PVR: variants seen among roughly 807,000 people sequenced by gnomAD.
PVR encodes PVR cell adhesion molecule, also known as poliovirus receptor.
Under a neutral mutation model 43.3 loss-of-function variants are expected in PVR, and 39 were observed. The observed-to-expected ratio is 0.90, with a 90% CI of 0.70 to 1.18. The LOEUF (loss-of-function observed/expected upper bound fraction) is 1.18, where lower values mean the gene tolerates loss of function less well. Among genes scored for constraint, PVR ranks in the 50% most tolerant of loss-of-function variants. PVR has a pLI of 0.00. For synonymous variants in PVR, 224 were observed against 233.2 expected, an observed-to-expected ratio of 0.96 and a Z score of 0.36; for missense variants, 480 against 549.7, an observed-to-expected ratio of 0.87 and a Z score of 1.27.
rs1335198403 is a variant in PVR, at chr19:44,662,058, A to G, written c.*247A>G. The G allele has an allele frequency of 5.6e-6, 3 of 530,980 alleles. No individual in the cohort carries two copies. The African/African-American group carries it at 5.7e-5, about 10-fold the overall frequency. 32.9% of individuals were successfully genotyped at this position (530,980 alleles called of 1,614,324 possible). On this transcript the variant is annotated 3_prime_UTR_variant, in exon 8 of 8. Coordinates refer to ENST00000425690, the MANE Select transcript of PVR (RefSeq NM_006505.5). ...CTCACAGTTACAGTTTATTACAGTA[A>G]AAGGACAGAGATTAAGATCAGCAAA...
rs1973607376 is a variant in PVR, at chr19:44,662,128, G to C, written c.*317G>C. On this transcript the variant is annotated 3_prime_UTR_variant, in exon 8 of 8. Coordinates refer to ENST00000425690, the MANE Select transcript of PVR (RefSeq NM_006505.5). ...ACGTTCCACGACAGATGAGGCGACG[G>C]CTTCCATCTGCCCTCTCCCAGTGGA... The C allele has an allele frequency of 3.0e-6, 1 of 328,520 alleles. No individual in the cohort carries two copies. The highest frequency in any genetic ancestry group is 2.0e-5 in the African/African-American group (1 of 48,826). 20.4% of individuals were successfully genotyped at this position (328,520 alleles called of 1,614,324 possible).
At chr19:44,654,139 G>T (rs1177409257) in intron 4 of PVR, 122 bp downstream of exon 4, 5 of 743,344 alleles carry the variant, frequency 6.7e-6, no homozygotes, top group Admixed American at 2.7e-5. Flanking sequence ...CGGACCCCTG[G>T]GTCTGAGGGA....
chr19:44,662,112 G>A lies in PVR; in HGVS notation c.*301G>A, dbSNP rs926656499. ...AGGAGGTGCACAGCACACGTTCCAC[G>A]ACAGATGAGGCGACGGCTTCCATCT... On this transcript the variant is annotated 3_prime_UTR_variant, in exon 8 of 8. Transcript: ENST00000425690. 13 of 378,886 alleles carry A rather than the reference G, an allele frequency of 3.4e-5. 1 individual carries two copies. The highest frequency in any genetic ancestry group is 1.5e-4 in the Admixed American group (4 of 27,396). The allele number at this position is 378,886 out of a possible 1,614,324, so 23.5% of individuals were successfully genotyped here.
intron 3 of PVR, among the ~76,000 whole-genome samples, chr19:44,652,720 G>A (rs1349299797): frequency 6.6e-6 from 1 of 151,746 alleles, no homozygotes; most frequent in Non-Finnish European, 1.5e-5. Flanking sequence ...TCCCTATGTT[G>A]CCCAGGCTGG....
chr19:44,651,067 T>C (rs766136236), intron 3 of PVR, among the ~76,000 whole-genome samples: 8 of 151,952 alleles, frequency 5.3e-5, no homozygotes, highest in Non-Finnish European at 1.0e-4. Context: ...AGAGTTTTGC[T>C]GTGTTGCCCA....
In PVR at chr19:44,653,887, C is replaced by A; in HGVS notation, c.725-13C>A. On this transcript the variant is annotated splice_polypyrimidine_tract_variant and intron_variant, in intron 3 of 7. Transcript: ENST00000425690. ...CCTCCCAGTCTCTGAACCTCTGTATCCATTTCCTGCAGACCCCCCAGAGGT... is the reference window on the plus strand; with the variant it reads ...CCTCCCAGTCTCTGAACCTCTGTATACATTTCCTGCAGACCCCCCAGAGGT... 2 of 1,580,544 alleles carry A rather than the reference C, an allele frequency of 1.3e-6. No homozygotes were observed. The highest frequency in any genetic ancestry group is 1.1e-5 in the South Asian group (1 of 90,414).
At chr19:44,661,665 A>G (rs1973594524) in intron 7 of PVR, 75 bp from the exon 8 acceptor site, 4 of 1,364,434 alleles carry the variant, frequency 2.9e-6, no homozygotes, top group Non-Finnish European at 4.2e-6. Flanking sequence ...TTCTTTGCAC[A>G]TGGGGCTTCA....
intron 6 of PVR, among the ~76,000 whole-genome samples, chr19:44,659,874 T>C (rs1268395171): frequency 6.6e-6 from 1 of 152,198 alleles, no homozygotes; most frequent in African/African-American, 2.4e-5. Flanking sequence ...CTTTGAGAGA[T>C]GAAGTTACCT....
In PVR at chr19:44,665,282, G is replaced by C. The variant is rs776442690; in HGVS notation, c.*3471G>C. The C allele has an allele frequency of 3.3e-5, 5 of 152,158 alleles. No individual in the cohort carries two copies. The highest frequency in any genetic ancestry group is 5.9e-5 in the Non-Finnish European group (4 of 68,040). 9.4% of individuals were successfully genotyped at this position (152,158 alleles called of 1,614,324 possible). The stretch of plus-strand genomic sequence containing the variant: ...ACGATCTCACCTTGAGGAGCTGTGA[G>C]GTCCCAGAAGCCTCTGGGTTGCAGA... On this transcript the variant is annotated 3_prime_UTR_variant, in exon 8 of 8. Coordinates refer to ENST00000425690, the MANE Select transcript of PVR (RefSeq NM_006505.5).
rs373847142 is a variant in PVR, at chr19:44,647,498, G to A, written c.355G>A (p.Gly119Ser). ...GTTCGGGTTGCGCGTAGAGGATGAA[G>A]GCAACTACACCTGCCTGTTCGTCAC... is the stretch of plus-strand genomic sequence containing the variant. ...RMFGLRVEDE[G>S]NYTCLFVTFP... Residue 119 changes from glycine (G) to serine (S), a missense_variant, in exon 2 of 8, where the codon GGC becomes AGC. Coordinates refer to ENST00000425690, the MANE Select transcript of PVR (RefSeq NM_006505.5). The A allele has an allele frequency of 1.2e-6, 2 of 1,614,128 alleles. No individual in the cohort carries two copies. The highest frequency in any genetic ancestry group is 1.6e-4 in the Middle Eastern group (1 of 6,062).
chr19:44,662,041 TAC>T lies in PVR; in HGVS notation c.*232_*233del, dbSNP rs1234144798. The stretch of plus-strand genomic sequence containing the variant: ...TCAGGAAAGCTGTTAGGCTCACAGT[TAC>T]AGTTTATTACAGTAAAAGGACAGAG... On this transcript the variant is annotated 3_prime_UTR_variant, in exon 8 of 8. Transcript: ENST00000425690. 1 of 552,864 alleles carries T rather than the reference TAC, an allele frequency of 1.8e-6. No individual in the cohort carries two copies. Among genetic ancestry groups the T allele is most frequent in the Non-Finnish European group, 3.3e-6 (1 of 307,166 alleles). 34.2% of individuals were successfully genotyped at this position (552,864 alleles called of 1,614,324 possible).
chr19:44,655,932 C>CA (rs1973433995), intron 4 of PVR, among the ~76,000 whole-genome samples: 1 of 143,664 alleles, frequency 7.0e-6, no homozygotes, highest in Non-Finnish European at 1.5e-5. Flanking sequence ...TGCCGTGGCA[C>CA]AATCACAGCT....
intron 4 of PVR, among the ~76,000 whole-genome samples, chr19:44,657,282 C>T (rs528211770): frequency 3.5e-4 from 54 of 152,284 alleles, no homozygotes; most frequent in African/African-American, 1.2e-3. Context: ...TAATGGAAAA[C>T]GTGGGCAGAG....
intron 6 of PVR, among the ~76,000 whole-genome samples, chr19:44,659,907 A>G (rs1180972656): frequency 2.0e-5 from 3 of 152,234 alleles, no homozygotes; most frequent in African/African-American, 2.4e-5. Context: ...ACAGCTGGAC[A>G]TGGTTGTTGG....
chr19:44,663,251 T>C lies in PVR; in HGVS notation c.*1440T>C, dbSNP rs899612001. On this transcript the variant is annotated 3_prime_UTR_variant, in exon 8 of 8. Coordinates refer to ENST00000425690, the MANE Select transcript of PVR (RefSeq NM_006505.5). ...AGGGCAGACAGCAGAATTCCTCTTATAAAGAAAACTGTTTGGGAAAATACG... is the reference window on the plus strand; with the variant it reads ...AGGGCAGACAGCAGAATTCCTCTTACAAAGAAAACTGTTTGGGAAAATACG... 6.6e-6 allele frequency: 1 copy of C among 152,120 alleles called. No individual in the cohort carries two copies. The highest frequency in any genetic ancestry group is 6.6e-5 in the Admixed American group (1 of 15,250). 9.4% of individuals were successfully genotyped at this position (152,120 alleles called of 1,614,324 possible).
intron 6 of PVR, 36 bp from the exon 7 acceptor site, chr19:44,661,256 A>G (rs1470782467): frequency 6.3e-7 from 1 of 1,599,536 alleles, no homozygotes; most frequent in Admixed American, 1.7e-5. Context: ...TCCCAGCATT[A>G]TTCCTTCCTG....
intron 3 of PVR, 67 bp downstream of exon 3, chr19:44,650,172 A>C: frequency 7.1e-7 from 1 of 1,404,838 alleles, no homozygotes; most frequent in South Asian, 1.5e-5. Context: ...GTCTACACTG[A>C]CTCCCCAAGG....
chr19:44,653,474 G>A (rs575655243), intron 3 of PVR, among the ~76,000 whole-genome samples: 1 of 152,286 alleles, frequency 6.6e-6, no homozygotes, highest in South Asian at 2.1e-4. Flanking sequence ...AAAGGTCTTC[G>A]CTGTCAATCA....
At chr19:44,661,436 C>T (rs1309791927) in intron 7 of PVR, 113 bp downstream of exon 7, 26 of 1,177,266 alleles carry the variant, frequency 2.2e-5, no homozygotes, top group Non-Finnish European at 3.1e-5. Flanking sequence ...CTCCTGGTGC[C>T]TCGAGCAGCA....
Sources: allele counts gnomAD v4.1 joint callset (sites outside exome capture counted in the v4.1 genomes callset), GRCh38; gene constraint gnomAD v4.1.1; transcripts MANE v1.5; gene names NCBI Gene and HGNC (gene_info 2026-07-23, HGNC 2026-07-21).